LTBP1: variants seen among roughly 807,000 people sequenced by gnomAD.
LTBP1 encodes latent transforming growth factor beta binding protein 1.
In LTBP1, 129 loss-of-function variants were observed where a neutral mutation model predicts 207.6. The ratio of observed to expected loss-of-function variants is 0.62; its 90% CI spans 0.54 to 0.72. LTBP1 has a LOEUF of 0.72. LTBP1 is among the 30% of genes least tolerant of loss of function. LTBP1 has a pLI of 0.00. For synonymous variants in LTBP1, 963 were observed against 833.7 expected, an observed-to-expected ratio of 1.16 and a Z score of -2.67; for missense variants, 2,281 against 2,217.2, an observed-to-expected ratio of 1.03 and a Z score of -0.58.
chr2:33,303,373 C>T (rs375403978), intron 22 of LTBP1, among the ~76,000 whole-genome samples: 39 of 128,544 alleles, frequency 3.0e-4, no homozygotes, highest in Middle Eastern at 4.6e-3. Context: ...TTTTTTGAGA[C>T]GGAATCTCGC....
chr2:33,256,712 A>T (rs1213550923), intron 11 of LTBP1, among the ~76,000 whole-genome samples: 1 of 127,646 alleles, frequency 7.8e-6, no homozygotes, highest in South Asian at 2.5e-4. Context: ...TATATATGGG[A>T]TGGAGGGCTA....
intron 20 of LTBP1, among the ~76,000 whole-genome samples, chr2:33,299,632 C>T (rs2093946166): frequency 6.6e-6 from 1 of 152,180 alleles, no homozygotes; most frequent in Non-Finnish European, 1.5e-5. Flanking sequence ...CATTCTGAGG[C>T]TGTATTTGCA....
At chr2:33,236,701 G>A (rs1029742379) in intron 9 of LTBP1, among the ~76,000 whole-genome samples, 1 of 152,176 alleles carries the variant, frequency 6.6e-6, no homozygotes, top group African/African-American at 2.4e-5. Flanking sequence ...ACTGTATTAT[G>A]AGTGATGAAG....
chr2:33,256,103 A>G (rs577033505), intron 11 of LTBP1, among the ~76,000 whole-genome samples: 11 of 151,260 alleles, frequency 7.3e-5, no homozygotes, highest in Admixed American at 2.0e-4. Context: ...AGAATACAAA[A>G]CCACTTTTTT....
chr2:33,336,517 C>G (rs1573902387), intron 24 of LTBP1, among the ~76,000 whole-genome samples: 1 of 152,060 alleles, frequency 6.6e-6, no homozygotes, highest in Non-Finnish European at 1.5e-5. Context: ...TCCGTTAAGT[C>G]AAAATGGACC....
At chr2:33,234,776 G>A (rs774396741) in intron 9 of LTBP1, among the ~76,000 whole-genome samples, 1 of 151,820 alleles carries the variant, frequency 6.6e-6, no homozygotes, top group African/African-American at 2.4e-5. Context: ...CAATCCTAAG[G>A]AAAAAGAACA....
chr2:33,390,683 G>T (rs555564257), intron 32 of LTBP1, among the ~76,000 whole-genome samples: 118 of 151,982 alleles, frequency 7.8e-4, no homozygotes, highest in Admixed American at 2.0e-3. Flanking sequence ...AGAGATGGGG[G>T]GTTTCACCAT....
At position 32,999,963 on chromosome 2, in the gene LTBP1, A is replaced by G. The variant is rs1349230687; in HGVS notation, c.566-20946A>G. On this transcript the variant is annotated intron_variant, in intron 2 of 33. Coordinates refer to ENST00000404816, the MANE Select transcript of LTBP1 (RefSeq NM_206943.4). The stretch of plus-strand genomic sequence containing the variant: ...CAGGCCACAGTGCTTCTCACACCTG[A>G]TGTATGTAAGAGTCAGTCACCTTCA... 1.5e-5 allele frequency among the ~76,000 whole-genome samples: 2 copies of G among 134,564 alleles called. 1 individual carries two copies. The highest frequency in any genetic ancestry group is 1.5e-4 in the Admixed American group (2 of 13,120). 88.3% of individuals were successfully genotyped at this position (134,564 alleles called of 152,430 possible). A position where few individuals can be genotyped will look rare whatever the true frequency, so the allele number is the denominator to read the frequency against.
intron 31 of LTBP1, among the ~76,000 whole-genome samples, chr2:33,386,692 G>A (rs541192700): frequency 5.2e-4 from 79 of 152,192 alleles, no homozygotes; most frequent in Non-Finnish European, 8.5e-4. Flanking sequence ...AGGTTTGGTA[G>A]CTCATGCCTG....
intron 3 of LTBP1, among the ~76,000 whole-genome samples, chr2:33,074,900 C>T (rs573932043): frequency 2.9e-5 from 4 of 140,204 alleles, no homozygotes; most frequent in South Asian, 2.2e-4. Flanking sequence ...AAAAAAAGCA[C>T]GTTAGATGGG....
intron 3 of LTBP1, among the ~76,000 whole-genome samples, chr2:33,082,167 G>A (rs1217590112): frequency 6.6e-6 from 1 of 152,098 alleles, no homozygotes; most frequent in African/African-American, 2.4e-5. Context: ...CCTCTTAGAA[G>A]AATAAGCTCA....
intron 26 of LTBP1, among the ~76,000 whole-genome samples, chr2:33,351,158 C>A (rs144964514): frequency 2.0e-5 from 3 of 152,150 alleles, no homozygotes; most frequent in Non-Finnish European, 2.9e-5. Context: ...TAATACAGTT[C>A]GCTAATACAT....
intron 31 of LTBP1, among the ~76,000 whole-genome samples, chr2:33,372,367 G>GTAAA (rs1171918553): frequency 6.6e-6 from 1 of 152,164 alleles, no homozygotes; most frequent in Non-Finnish European, 1.5e-5. Flanking sequence ...AAGAAAAACT[G>GTAAA]ATTTTAGAGC....
chr2:33,083,741 G>A (rs1421947505), intron 3 of LTBP1, among the ~76,000 whole-genome samples: 2 of 152,232 alleles, frequency 1.3e-5, no homozygotes, highest in African/African-American at 4.8e-5. Flanking sequence ...TTAAGGCAGA[G>A]CTGTTCTCAT....
intron 3 of LTBP1, among the ~76,000 whole-genome samples, chr2:33,040,015 G>A (rs2076107036): frequency 6.6e-6 from 1 of 152,118 alleles, no homozygotes; most frequent in African/African-American, 2.4e-5. Flanking sequence ...AAGAGAGATC[G>A]AATGGGACCG....
chr2:33,011,113 TC>T (rs1165746978), intron 2 of LTBP1, among the ~76,000 whole-genome samples: 15 of 152,140 alleles, frequency 9.9e-5, no homozygotes, highest in African/African-American at 3.4e-4. Flanking sequence ...CATACAAAAT[TC>T]CCTAGATTAG....
At chr2:33,373,685 A>T (rs185671428) in intron 31 of LTBP1, among the ~76,000 whole-genome samples, 131 of 152,298 alleles carry the variant, frequency 8.6e-4, no homozygotes, top group African/African-American at 3.0e-3. Flanking sequence ...ATGAAATCTA[A>T]ATTATTTATA....
chr2:33,360,657 A>T lies in LTBP1; in HGVS notation c.4061A>T (p.Asn1354Ile), dbSNP rs548908384. 6.2e-7 allele frequency: 1 copy of T among 1,613,496 alleles called. No homozygotes were observed. The highest frequency in any genetic ancestry group is 1.1e-5 in the South Asian group (1 of 91,060). The change falls in exon 27 of 34, where the codon AAT (asparagine) becomes ATT (isoleucine). Residue 1354 changes from asparagine to isoleucine, a missense_variant. Asn to Ile is a moderately radical substitution (Grantham distance 149). Transcript: ENST00000404816. The part of the protein sequence containing the change: ...EEKKECYYNL[N>I]DASLCDNVLA... ...AAGAAAGAATGCTACTATAATCTCAATGACGCCAGTCTCTGTGATAATGTG... is the reference window on the plus strand; with the variant it reads ...AAGAAAGAATGCTACTATAATCTCATTGACGCCAGTCTCTGTGATAATGTG...
chr2:33,373,969 G>T (rs1015935213), intron 31 of LTBP1, among the ~76,000 whole-genome samples: 4 of 152,114 alleles, frequency 2.6e-5, no homozygotes, highest in African/African-American at 7.2e-5. Flanking sequence ...CAAAAGTAAA[G>T]AATTTGGAAT....
Sources: gnomAD v4.1 joint callset for allele counts (sites outside exome capture counted in the v4.1 genomes callset) on GRCh38, gnomAD v4.1.1 for gene constraint, MANE v1.5 for transcripts, NCBI Gene and HGNC (gene_info 2026-07-23, HGNC 2026-07-21) for gene names.